SHISAL1: variants seen among roughly 807,000 people sequenced by gnomAD.
SHISAL1 encodes the protein shisa like 1.
Under a neutral mutation model 22.6 loss-of-function variants are expected in SHISAL1, and 9 were observed. That is an observed-to-expected ratio of 0.40 (90% CI 0.24 to 0.70). SHISAL1 has a LOEUF of 0.70. SHISAL1 is among the 30% of genes least tolerant of loss of function. The probability of loss-of-function intolerance (pLI) is 0.39; values close to 1 mark genes in which losing one functional copy is unlikely to be tolerated. For missense variants in SHISAL1, 246 were observed against 270.6 expected (o/e 0.91, Z 0.64); for synonymous variants, 119 against 115.4 (o/e 1.03, Z -0.20).
chr22:44,296,087 C>T (rs977905693), intron 3 of SHISAL1, among the ~76,000 whole-genome samples: 40 of 152,284 alleles, frequency 2.6e-4, no homozygotes, highest in African/African-American at 8.2e-4. Context: ...CTTTCCACAT[C>T]CTTAACCTCA....
chr22:44,262,842 C>T (rs567161937), intron 4 of SHISAL1, among the ~76,000 whole-genome samples: 34 of 152,314 alleles, frequency 2.2e-4, no homozygotes, highest in Admixed American at 5.2e-4. Context: ...GGGAAGATAA[C>T]AGAGCACCTG....
intron 1 of SHISAL1, among the ~76,000 whole-genome samples, chr22:44,305,918 A>C (rs1252581020): frequency 1.3e-5 from 2 of 152,194 alleles, no homozygotes; most frequent in Admixed American, 6.5e-5. Flanking sequence ...CTTACTCCCC[A>C]CGCCCCCAAG....
At chr22:44,327,187 C>T in the SHISAL1 span, among the ~76,000 whole-genome samples, 7 of 152,050 alleles carry the variant, frequency 4.6e-5, no homozygotes, top group African/African-American at 1.2e-4. Flanking sequence ...CTGGCACTGT[C>T]TCTGTCTACC....
At chr22:44,274,138 C>T (rs1262745868) in intron 4 of SHISAL1, among the ~76,000 whole-genome samples, 1 of 149,082 alleles carries the variant, frequency 6.7e-6, no homozygotes, top group East Asian at 2.0e-4. Context: ...CCCAGCTACT[C>T]GGGAAGCCAA....
the SHISAL1 span, among the ~76,000 whole-genome samples, chr22:44,330,458 A>G: frequency 6.6e-6 from 1 of 152,162 alleles, no homozygotes; most frequent in Admixed American, 6.5e-5. Flanking sequence ...GGGGAGACAC[A>G]AAGAGGCATC....
intron 3 of SHISAL1, 99 bp downstream of exon 3, chr22:44,296,573 C>G (rs1030922572): frequency 1.0e-6 from 1 of 1,001,950 alleles, no homozygotes; most frequent in African/African-American, 1.6e-5. Context: ...AACCTTATAG[C>G]GGTTACCCAA....
In SHISAL1 at chr22:44,243,677, G is replaced by T. The variant is rs1390141812; in HGVS notation, c.*6008C>A. ...GCAAACGTCAATCTAGGGAACAGTT[G>T]ACATGACACTCCTTTATTAAAACCT... On this transcript the variant is annotated 3_prime_UTR_variant, in exon 5 of 5. Coordinates refer to ENST00000381176, the MANE Select transcript of SHISAL1 (RefSeq NM_001099294.2). 1.3e-5 allele frequency: 2 copies of T among 152,138 alleles called. No homozygotes were observed. The highest frequency in any genetic ancestry group is 4.8e-5 in the African/African-American group (2 of 41,436). The allele number at this position is 152,138 out of a possible 1,614,324, so 9.4% of individuals were successfully genotyped here. A position where few individuals can be genotyped will look rare whatever the true frequency, so the allele number is the denominator to read the frequency against.
intron 3 of SHISAL1, among the ~76,000 whole-genome samples, chr22:44,293,727 G>C (rs952221637): frequency 6.6e-6 from 1 of 152,184 alleles, no homozygotes; most frequent in South Asian, 2.1e-4. Context: ...GCTGAGGATG[G>C]GCTGCCAGGT....
At chr22:44,325,556 A>G in the SHISAL1 span, among the ~76,000 whole-genome samples, 1 of 152,106 alleles carries the variant, frequency 6.6e-6, no homozygotes, top group Admixed American at 6.5e-5. Flanking sequence ...CTATAGAATA[A>G]CTTATTCTAT....
At chr22:44,263,079 C>CTTTTTTT (rs922017518) in intron 4 of SHISAL1, among the ~76,000 whole-genome samples, 7 of 88,264 alleles carry the variant, frequency 7.9e-5, no homozygotes, top group Middle Eastern at 8.6e-3. Context: ...TTCTTTCTTT[C>CTTTTTTT]TTTTTTTTTT....
intron 4 of SHISAL1, among the ~76,000 whole-genome samples, chr22:44,277,547 G>C (rs1388710319): frequency 1.3e-5 from 2 of 152,228 alleles, no homozygotes; most frequent in Non-Finnish European, 1.5e-5. Flanking sequence ...GTGAGTGCTG[G>C]ATCGCTGGGC....
chr22:44,275,133 C>T (rs1335207823), intron 4 of SHISAL1, among the ~76,000 whole-genome samples: 1 of 152,174 alleles, frequency 6.6e-6, no homozygotes, highest in Non-Finnish European at 1.5e-5. Context: ...GCGTTTTTAC[C>T]TTCTGTTCTG....
rs2055034328 is a variant in SHISAL1 at position 44,249,785 on chromosome 22, C to T, written c.*-100G>A. 4.0e-6 allele frequency: 3 copies of T among 750,598 alleles called. No homozygotes were observed. The Admixed American group carries it at 5.6e-5, about 14-fold the overall frequency. The allele number at this position is 750,598 out of a possible 1,614,324, so 46.5% of individuals were successfully genotyped here. The stretch of plus-strand genomic sequence containing the variant: ...CGGAAGAAGCCAGGTTTTCTCTGAG[C>T]ATGTGGGTTTTGTCTTCTGAACATT... On this transcript the variant is annotated intron_variant, in intron 4 of 4. Coordinates refer to ENST00000381176, the MANE Select transcript of SHISAL1 (RefSeq NM_001099294.2).
the SHISAL1 span, among the ~76,000 whole-genome samples, chr22:44,329,066 C>T: frequency 6.6e-6 from 1 of 152,252 alleles, no homozygotes; most frequent in African/African-American, 2.4e-5. Context: ...CGCACGTGCA[C>T]TTCCCCACCC....
chr22:44,295,458 T>G (rs973978337), intron 3 of SHISAL1, among the ~76,000 whole-genome samples: 1 of 152,058 alleles, frequency 6.6e-6, no homozygotes, highest in Non-Finnish European at 1.5e-5. Context: ...ATGGTATTTT[T>G]AATGACCTCA....
intron 4 of SHISAL1, among the ~76,000 whole-genome samples, chr22:44,283,524 C>T (rs1025342371): frequency 1.3e-5 from 2 of 152,120 alleles, no homozygotes; most frequent in Admixed American, 6.5e-5. Flanking sequence ...AGGATGAGAT[C>T]GGGGAGCTGT....
chr22:44,328,501 T>C, the SHISAL1 span, among the ~76,000 whole-genome samples: 1 of 152,080 alleles, frequency 6.6e-6, no homozygotes, highest in African/African-American at 2.4e-5. Flanking sequence ...TTCGGTGAAG[T>C]CCTGTACTGT....
chr22:44,273,869 A>T (rs1227707008), intron 4 of SHISAL1, among the ~76,000 whole-genome samples: 1 of 152,220 alleles, frequency 6.6e-6, no homozygotes, highest in Non-Finnish European at 1.5e-5. Context: ...CAAGAGAGGA[A>T]ATACAATTAA....
chr22:44,307,678 C>T (rs2055489086), intron 1 of SHISAL1, among the ~76,000 whole-genome samples: 1 of 152,112 alleles, frequency 6.6e-6, no homozygotes, highest in Admixed American at 6.5e-5. Context: ...CTGCGGGCCA[C>T]CCCTCCGGTC....
Sources: gnomAD v4.1 joint callset for allele counts (sites outside exome capture counted in the v4.1 genomes callset) on GRCh38, gnomAD v4.1.1 for gene constraint, MANE v1.5 for transcripts, NCBI Gene and HGNC (gene_info 2026-07-23, HGNC 2026-07-21) for gene names.